BICC1: variants seen among roughly 807,000 people sequenced by gnomAD.
BICC1 encodes the protein BicC family RNA binding protein 1.
Under a neutral mutation model 111.0 loss-of-function variants are expected in BICC1, and 43 were observed. The observed-to-expected ratio is 0.39, with a 90% CI of 0.30 to 0.50. The LOEUF (loss-of-function observed/expected upper bound fraction) is 0.50, where lower values mean the gene tolerates loss of function less well. BICC1 is among the 20% of genes least tolerant of loss of function. BICC1 has a pLI of 0.88. For missense variants in BICC1, 1,091 were observed against 1,203.2 expected (o/e 0.91, Z 1.38); for synonymous variants, 467 against 434.4 (o/e 1.07, Z -0.93).
At chr10:58,522,041 C>T (rs977068015) in intron 1 of BICC1, among the ~76,000 whole-genome samples, 13 of 151,870 alleles carry the variant, frequency 8.6e-5, no homozygotes, top group African/African-American at 2.7e-4. Context: ...ACTTTTTCCA[C>T]ATTATTAAAC....
intron 1 of BICC1, among the ~76,000 whole-genome samples, chr10:58,587,491 A>T (rs913863962): frequency 6.6e-6 from 1 of 152,240 alleles, no homozygotes; most frequent in Non-Finnish European, 1.5e-5. Flanking sequence ...AATCTTTAGC[A>T]TAATAAAGCT....
intron 3 of BICC1, among the ~76,000 whole-genome samples, chr10:58,771,512 G>A (rs1842621772): frequency 2.6e-5 from 4 of 152,016 alleles, no homozygotes; most frequent in Admixed American, 2.6e-4. Context: ...CAGTGTCACG[G>A]GAAACCAGCG....
chr10:58,573,069 A>G (rs1269183676), intron 1 of BICC1, among the ~76,000 whole-genome samples: 1 of 152,106 alleles, frequency 6.6e-6, no homozygotes, highest in African/African-American at 2.4e-5. Context: ...TGATGACACA[A>G]CACCTTGATG....
At chr10:58,689,972 G>A (rs1408008475) in intron 2 of BICC1, among the ~76,000 whole-genome samples, 1 of 152,184 alleles carries the variant, frequency 6.6e-6, no homozygotes, top group Non-Finnish European at 1.5e-5. Flanking sequence ...GAAAGGACCT[G>A]TATGGGATAA....
intron 1 of BICC1, among the ~76,000 whole-genome samples, chr10:58,594,843 TC>T (rs1379384649): frequency 3.3e-5 from 5 of 152,174 alleles, no homozygotes; most frequent in Non-Finnish European, 7.4e-5. Flanking sequence ...CCAGCTAGCA[TC>T]ATAATGACAG....
chr10:58,541,382 A>C (rs1255111623), intron 1 of BICC1, among the ~76,000 whole-genome samples: 1 of 152,148 alleles, frequency 6.6e-6, no homozygotes, highest in Non-Finnish European at 1.5e-5. Context: ...TCAACACACA[A>C]AAGTCAGTTA....
chr10:58,674,111 TA>T (rs1459890838), intron 2 of BICC1, among the ~76,000 whole-genome samples: 1 of 152,264 alleles, frequency 6.6e-6, no homozygotes, highest in African/African-American at 2.4e-5. Context: ...TTTGGTTTTG[TA>T]GCTTCTCTTG....
chr10:58,798,768 T>C (rs1843440769), intron 11 of BICC1, among the ~76,000 whole-genome samples: 1 of 152,180 alleles, frequency 6.6e-6, no homozygotes, highest in Non-Finnish European at 1.5e-5. Flanking sequence ...AATACCATCT[T>C]CAAATGTGAT....
At chr10:58,675,295 T>C (rs1839304591) in intron 2 of BICC1, among the ~76,000 whole-genome samples, 1 of 152,124 alleles carries the variant, frequency 6.6e-6, no homozygotes, top group Non-Finnish European at 1.5e-5. Context: ...CAGGCTGGCA[T>C]CAACAATATG....
At chr10:58,608,012 G>T (rs542432835) in intron 1 of BICC1, among the ~76,000 whole-genome samples, 5 of 152,114 alleles carry the variant, frequency 3.3e-5, no homozygotes, top group Admixed American at 1.3e-4. Context: ...AAGCAGTAGT[G>T]TAGATATGTA....
chr10:58,793,367 C>G, intron 8 of BICC1, 117 bp from the exon 9 acceptor site: 1 of 976,820 alleles, frequency 1.0e-6, no homozygotes, highest in Admixed American at 2.8e-5. Context: ...AGCTTTAATA[C>G]TTCAGTTTAG....
intron 1 of BICC1, among the ~76,000 whole-genome samples, chr10:58,535,562 C>A (rs1341964150): frequency 3.3e-5 from 5 of 151,690 alleles, no homozygotes; most frequent in Non-Finnish European, 3.0e-5. Context: ...ACCAATGTTA[C>A]AAGAAATGCT....
At chr10:58,734,843 G>A (rs999576529) in intron 3 of BICC1, among the ~76,000 whole-genome samples, 1 of 152,088 alleles carries the variant, frequency 6.6e-6, no homozygotes, top group African/African-American at 2.4e-5. Flanking sequence ...AGGAAGGCTG[G>A]GTACTCTATG....
intron 17 of BICC1, 85 bp from the exon 18 acceptor site, chr10:58,813,745 T>C (rs1268996534): frequency 7.5e-7 from 1 of 1,340,550 alleles, no homozygotes; most frequent in Non-Finnish European, 1.0e-6. Flanking sequence ...TAAACGGCAG[T>C]GGTGTAATGT....
In BICC1 at chr10:58,722,770, T is replaced by C. The variant is rs542147523; in HGVS notation, c.307+20627T>C. Among the ~76,000 whole-genome samples the C allele has an allele frequency of 3.3e-3, 509 of 152,270 alleles. 3 individuals carry two copies. Among genetic ancestry groups the C allele is most frequent in the Middle Eastern group, 0.01 (3 of 294 alleles). The stretch of plus-strand genomic sequence containing the variant: ...GGTAGTTTCTTGGTGCATCAGTGGG[T>C]TGAGGTGAAATAAGTTTATTTTATA... On this transcript the variant is annotated intron_variant, in intron 3 of 20. Coordinates refer to ENST00000373886, the MANE Select transcript of BICC1 (RefSeq NM_001080512.3).
intron 1 of BICC1, among the ~76,000 whole-genome samples, chr10:58,532,858 C>A (rs1203943342): frequency 6.6e-6 from 1 of 151,796 alleles, no homozygotes; most frequent in African/African-American, 2.4e-5. Flanking sequence ...TAAAGCATTT[C>A]TCGAAAGAAT....
At chr10:58,763,660 C>T (rs745823629) in intron 3 of BICC1, among the ~76,000 whole-genome samples, 6 of 152,010 alleles carry the variant, frequency 3.9e-5, no homozygotes, top group Non-Finnish European at 5.9e-5. Context: ...GCTTTTTCTA[C>T]AGTGTTCTTT....
At chr10:58,574,560 C>G (rs1399547708) in intron 1 of BICC1, among the ~76,000 whole-genome samples, 2 of 152,018 alleles carry the variant, frequency 1.3e-5, no homozygotes. Context: ...GCTCTTTCAC[C>G]TTCAGGAACA....
intron 2 of BICC1, among the ~76,000 whole-genome samples, chr10:58,698,448 C>T (rs1361812003): frequency 6.6e-6 from 1 of 152,120 alleles, no homozygotes; most frequent in East Asian, 1.9e-4. Flanking sequence ...TTTTTCTCCT[C>T]CTTTAGGTCA....
Sources: allele counts gnomAD v4.1 joint callset (sites outside exome capture counted in the v4.1 genomes callset), GRCh38; gene constraint gnomAD v4.1.1; transcripts MANE v1.5; gene names NCBI Gene and HGNC (gene_info 2026-07-23, HGNC 2026-07-21).